The following FAN1 variants were observed in gnomAD, a reference collection of about 807,000 sequenced individuals.
FAN1 encodes FANCD2 and FANCI associated nuclease 1, also known as fanconi-associated nuclease 1.
In FAN1, 91 loss-of-function variants were observed where a neutral mutation model predicts 104.9. The ratio of observed to expected loss-of-function variants is 0.87; its 90% confidence interval spans 0.73 to 1.03. The LOEUF (loss-of-function observed/expected upper bound fraction) is 1.03, where lower values mean the gene tolerates loss of function less well. FAN1 is among the 50% of genes least tolerant of loss of function. FAN1 has a pLI of 0.00. For synonymous variants in FAN1, 478 were observed against 457.6 expected (o/e 1.04, Z -0.57); for missense variants, 1,263 against 1,239.9 (o/e 1.02, Z -0.28).
At chr15:30,923,607 T>C (rs1202982231) in intron 8 of FAN1, among the ~76,000 whole-genome samples, 1 of 152,214 alleles carries the variant, frequency 6.6e-6, no homozygotes, top group Non-Finnish European at 1.5e-5. Flanking sequence ...CAAAGTGCTC[T>C]GCAGCCAGCC....
intron 13 of FAN1, among the ~76,000 whole-genome samples, chr15:30,934,257 T>A (rs867186199): frequency 1.3e-5 from 2 of 152,204 alleles, no homozygotes; most frequent in Non-Finnish European, 2.9e-5. Context: ...TTCTTTTTTT[T>A]AATGTTAACA....
intron 13 of FAN1, among the ~76,000 whole-genome samples, chr15:30,936,441 C>T (rs1018109861): frequency 1.3e-5 from 2 of 152,108 alleles, no homozygotes; most frequent in Non-Finnish European, 2.9e-5. Context: ...ACAGAGTAAT[C>T]GGAGGGTTTT....
At position 30,924,156 on chromosome 15, in the gene FAN1, G is replaced by T. The variant is rs140060127; in HGVS notation, c.2173-971G>T. ...AGCATCATGTTTCTGAGCTTCACCC[G>T]CATCGTGGCACATGTCAGGACTCCG... On this transcript the variant is annotated intron_variant, in intron 8 of 14. Transcript: ENST00000362065. Among the ~76,000 whole-genome samples, 20 of 152,314 alleles carry T rather than the reference G, an allele frequency of 1.3e-4. No individual in the cohort carries two copies. In the East Asian group the frequency reaches 3.3e-3, roughly 25 times the overall value.
rs754124812 is a variant in FAN1 at position 30,941,740 on chromosome 15, TTCA to T, written c.*182_*184del. The T allele has an allele frequency of 1.2e-6, 2 of 1,613,942 alleles. No homozygotes were observed. The highest frequency in any genetic ancestry group is 2.2e-5 in the South Asian group (2 of 91,068). On this transcript the variant is annotated 3_prime_UTR_variant, in exon 15 of 15. Coordinates refer to ENST00000362065, the MANE Select transcript of FAN1 (RefSeq NM_014967.5). ...GCAGCATCCTGCTCAGTACGTCGACTTCATCAGCCAGGAGGGAGAGCTTGTGAA... is the reference window on the plus strand; with the variant it reads ...GCAGCATCCTGCTCAGTACGTCGACTTCAGCCAGGAGGGAGAGCTTGTGAA...
chr15:30,914,158 AT>A, intron 5 of FAN1, 67 bp downstream of exon 5: 6 of 1,228,126 alleles, frequency 4.9e-6, no homozygotes, highest in Non-Finnish European at 6.9e-6. Flanking sequence ...AGGTTTTGTT[AT>A]TTTTTTCCAG....
chr15:30,914,112 TATA>T, intron 5 of FAN1, 21 bp downstream of exon 5: 7 of 1,487,526 alleles, frequency 4.7e-6, no homozygotes, highest in Non-Finnish European at 6.6e-6. Context: ...GTTAGCTCAC[TATA>T]ATGTCTATAT....
At position 30,941,595 on chromosome 15, in the gene FAN1, A is replaced by G; in HGVS notation, c.*33A>G. 1 of 1,600,088 alleles carries G rather than the reference A, an allele frequency of 6.2e-7. No individual in the cohort carries two copies. The highest frequency in any genetic ancestry group is 8.5e-7 in the Non-Finnish European group (1 of 1,172,868). ...CCTACAGGAGAAAATGGAAATGAGG[A>G]GGAGAGAAACTCCGGTGTCCCCGAG... On this transcript the variant is annotated 3_prime_UTR_variant, in exon 15 of 15. Transcript: ENST00000362065.
chr15:30,927,631 A>C (rs2062498867), intron 10 of FAN1: 2 of 985,598 alleles, frequency 2.0e-6, no homozygotes, highest in Non-Finnish European at 2.4e-6. Flanking sequence ...GGGACCAGCC[A>C]GAGGAGCTTT....
intron 14 of FAN1, among the ~76,000 whole-genome samples, chr15:30,938,157 C>A (rs561985274): frequency 1.9e-4 from 28 of 151,292 alleles, no homozygotes; most frequent in African/African-American, 6.6e-4. Context: ...GCACTCCAGC[C>A]TGGGAGACAG....
chr15:30,927,218 C>CA (rs386382584), intron 10 of FAN1: 22 of 848,980 alleles, frequency 2.6e-5, no homozygotes, highest in African/African-American at 2.1e-4. Context: ...CAAAACAAAA[C>CA]AAACAAAGGA....
intron 14 of FAN1, chr15:30,940,747 T>C (rs1469812759): frequency 2.0e-6 from 2 of 989,950 alleles, no homozygotes; most frequent in East Asian, 1.1e-4. Context: ...AAATATGCAA[T>C]GGGATTTTCC....
At chr15:30,927,905 A>C in intron 10 of FAN1, 1 of 985,708 alleles carries the variant, frequency 1.0e-6, no homozygotes, top group Non-Finnish European at 1.2e-6. Context: ...TCTGTCTCTC[A>C]GGTCATCTCC....
At chr15:30,941,012 A>C in intron 14 of FAN1, 1 of 1,170,536 alleles carries the variant, frequency 8.5e-7, no homozygotes, top group Non-Finnish European at 1.1e-6. Context: ...GAGTTCAATT[A>C]GAGACGACAG....
chr15:30,910,527 G>A lies in FAN1; in HGVS notation c.1376-87G>A, dbSNP rs559739538. Reference sequence around the variant, plus strand: ...CCAACTAATTAAAATTTTCTTAGTAGCATTTCATTTTATTTTCATCTAACT... The same window carrying A: ...CCAACTAATTAAAATTTTCTTAGTAACATTTCATTTTATTTTCATCTAACT... On this transcript the variant is annotated intron_variant, in intron 3 of 14. Transcript: ENST00000362065. The A allele has an allele frequency of 1.4e-5, 11 of 759,112 alleles. 1 individual carries two copies. Among genetic ancestry groups the A allele is most frequent in the Middle Eastern group, 3.7e-4 (1 of 2,674 alleles). 47.0% of individuals were successfully genotyped at this position (759,112 alleles called of 1,614,324 possible).
chr15:30,926,273 C>G (rs997880470), intron 10 of FAN1, among the ~76,000 whole-genome samples: 1 of 152,220 alleles, frequency 6.6e-6, no homozygotes, highest in African/African-American at 2.4e-5. Flanking sequence ...TCCTTCTGTT[C>G]TCTCCTGCCC....
At chr15:30,920,933 G>A (rs962111427) in intron 7 of FAN1, among the ~76,000 whole-genome samples, 8 of 152,232 alleles carry the variant, frequency 5.3e-5, no homozygotes, top group African/African-American at 1.9e-4. Context: ...ACAGGCGTGC[G>A]CCACCATGCC....
At chr15:30,920,706 A>G (rs949660925) in intron 7 of FAN1, 53 bp downstream of exon 7, 1 of 1,033,738 alleles carries the variant, frequency 9.7e-7, no homozygotes, top group Non-Finnish European at 1.5e-6. Flanking sequence ...GGCGTTAAAC[A>G]TGTGAAGGGA....
intron 9 of FAN1, 113 bp downstream of exon 9, chr15:30,925,404 A>G: frequency 9.5e-7 from 1 of 1,049,680 alleles, no homozygotes; most frequent in Non-Finnish European, 1.4e-6. Context: ...GACTCGGAAT[A>G]ATCTAAAACT....
At chr15:30,929,863 A>T (rs1310446935) in intron 12 of FAN1, among the ~76,000 whole-genome samples, 7 of 64,136 alleles carry the variant, frequency 1.1e-4, no homozygotes, top group Non-Finnish European at 1.5e-4. Flanking sequence ...ATCATATATA[A>T]TATATATAAA....
Sources: allele counts gnomAD v4.1 joint callset (sites outside exome capture counted in the v4.1 genomes callset), GRCh38; gene constraint gnomAD v4.1.1; transcripts MANE v1.5; gene names NCBI Gene and HGNC (gene_info 2026-07-23, HGNC 2026-07-21).